Variants in FMN2 observed in about 807,000 individuals in gnomAD.
FMN2 encodes formin-2.
In FMN2, 51 loss-of-function variants were observed where a neutral mutation model predicts 142.3. That is an observed-to-expected ratio of 0.36 (90% confidence interval 0.29 to 0.45). The LOEUF is 0.45. FMN2 is among the 20% of genes least tolerant of loss of function. FMN2 has a pLI of 1.00. For synonymous variants in FMN2, 882 were observed against 869.8 expected (o/e 1.01, Z -0.25); for missense variants, 1,936 against 2,122.8 (o/e 0.91, Z 1.73).
Position 240,237,515 on chromosome 1 carries a change from C to T in FMN2, c.4066-20430C>T, listed in dbSNP as rs368860898. Among the ~76,000 whole-genome samples the T allele has an allele frequency of 2.3e-3, 345 of 152,186 alleles. 3 individuals carry two copies. The highest frequency in any genetic ancestry group is 8.0e-3 in the African/African-American group (334 of 41,508). On this transcript the variant is annotated intron_variant, in intron 6 of 17. Coordinates refer to ENST00000319653, the MANE Select transcript of FMN2 (RefSeq NM_020066.5). Reference sequence around the variant, plus strand: ...GTATCTTTCCCTTCTCTGGATTTTTCGAAATAGACTAATTAAATACCGCAG... The same window carrying T: ...GTATCTTTCCCTTCTCTGGATTTTTTGAAATAGACTAATTAAATACCGCAG...
chr1:240,380,836 C>T (rs541491320), intron 14 of FMN2, among the ~76,000 whole-genome samples: 6 of 151,202 alleles, frequency 4.0e-5, no homozygotes, highest in African/African-American at 1.5e-4. Flanking sequence ...ACAAAATAGA[C>T]CACTAGCTAG....
chr1:240,330,879 C>A, intron 11 of FMN2, 130 bp downstream of exon 11: 2 of 1,133,638 alleles, frequency 1.8e-6, no homozygotes, highest in Non-Finnish European at 2.4e-6. Context: ...ATGTTCTGAG[C>A]TAGAAAAAAG....
intron 8 of FMN2, among the ~76,000 whole-genome samples, chr1:240,311,261 A>ACCT (rs1670595205): frequency 6.6e-6 from 1 of 152,228 alleles, no homozygotes; most frequent in Admixed American, 6.5e-5. Flanking sequence ...GCCACATGAT[A>ACCT]CAGCATCCTC....
intron 7 of FMN2, among the ~76,000 whole-genome samples, chr1:240,265,514 T>C (rs1668767410): frequency 6.6e-6 from 1 of 152,152 alleles, no homozygotes; most frequent in Non-Finnish European, 1.5e-5. Flanking sequence ...ACACAAATGC[T>C]TATTATTGTA....
chr1:240,243,566 C>T (rs928302930), intron 6 of FMN2, among the ~76,000 whole-genome samples: 6 of 152,080 alleles, frequency 3.9e-5, no homozygotes, highest in African/African-American at 9.7e-5. Context: ...ATATAACTGC[C>T]GGTTATTGGA....
intron 4 of FMN2, among the ~76,000 whole-genome samples, chr1:240,201,943 G>C (rs558255524): frequency 6.6e-6 from 1 of 152,262 alleles, no homozygotes; most frequent in African/African-American, 2.4e-5. Flanking sequence ...GATTATCAGG[G>C]GAGTTAAAAC....
chr1:240,326,759 C>T (rs4521980), intron 8 of FMN2, among the ~76,000 whole-genome samples: 61,252 of 151,366 alleles, frequency 0.4, 12,823 homozygotes, highest in Admixed American at 0.53. Flanking sequence ...GGGTTAGGCT[C>T]GGAGATAGTT....
intron 13 of FMN2, among the ~76,000 whole-genome samples, chr1:240,350,792 C>T (rs187202478): frequency 1.2e-4 from 18 of 152,224 alleles, no homozygotes; most frequent in African/African-American, 4.3e-4. Context: ...AACAGTTGAA[C>T]CAGACTCTGG....
chr1:240,333,556 TATC>T (rs1322629196), intron 11 of FMN2, among the ~76,000 whole-genome samples: 1 of 152,206 alleles, frequency 6.6e-6, no homozygotes, highest in Admixed American at 6.5e-5. Context: ...CATAAAAAAT[TATC>T]AAACAAAAAC....
At chr1:240,365,855 A>C (rs568959812) in intron 14 of FMN2, among the ~76,000 whole-genome samples, 1 of 152,170 alleles carries the variant, frequency 6.6e-6, no homozygotes, top group Non-Finnish European at 1.5e-5. Context: ...TACTTAACAC[A>C]TGTATTTTCT....
intron 7 of FMN2, among the ~76,000 whole-genome samples, chr1:240,290,793 G>GTTTTTTTTTTTTTT (rs761547443): frequency 2.8e-4 from 24 of 84,688 alleles, no homozygotes; most frequent in Admixed American, 3.5e-4. Flanking sequence ...TTTTTTTTTT[G>GTTTTTTTTTTTTTT]TTTTTTTTTT....
chr1:240,284,396 T>C (rs1669515519), intron 7 of FMN2, among the ~76,000 whole-genome samples: 2 of 152,148 alleles, frequency 1.3e-5, no homozygotes, highest in African/African-American at 4.8e-5. Flanking sequence ...ATTTTCCCCC[T>C]CATCTAGACC....
intron 4 of FMN2, among the ~76,000 whole-genome samples, chr1:240,188,576 G>A (rs372097257): frequency 6.6e-6 from 1 of 152,176 alleles, no homozygotes; most frequent in East Asian, 1.9e-4. Flanking sequence ...AGAAGTCTGC[G>A]AGATGTGCCT....
intron 15 of FMN2, among the ~76,000 whole-genome samples, chr1:240,428,678 A>G (rs985133213): frequency 1.3e-5 from 2 of 152,190 alleles, no homozygotes; most frequent in African/African-American, 4.8e-5. Context: ...GATCTTTAAT[A>G]CATTGTGGAA....
At chr1:240,241,240 T>C (rs1192239302) in intron 6 of FMN2, among the ~76,000 whole-genome samples, 1 of 133,424 alleles carries the variant, frequency 7.5e-6, no homozygotes, top group African/African-American at 3.0e-5. Flanking sequence ...TTTTTTTTAA[T>C]TGTATTTTTT....
At chr1:240,154,107 C>CA (rs3047182) in intron 2 of FMN2, among the ~76,000 whole-genome samples, 1,872 of 55,182 alleles carry the variant, frequency 0.034, 89 homozygotes, top group African/African-American at 0.069. Context: ...GAGATTCCAT[C>CA]AAAAAAAAAA....
intron 16 of FMN2, among the ~76,000 whole-genome samples, chr1:240,457,207 C>T (rs1045752544): frequency 2.2e-4 from 34 of 152,166 alleles, no homozygotes; most frequent in Admixed American, 2.0e-3. Context: ...AATCAATGTT[C>T]CCCAACCTAA....
chr1:240,443,926 C>T (rs535256116), intron 16 of FMN2, among the ~76,000 whole-genome samples: 1 of 152,068 alleles, frequency 6.6e-6, no homozygotes, highest in Admixed American at 6.6e-5. Context: ...TGACTGTCAC[C>T]TAGCCACTAA....
chr1:240,209,290 A>G lies in FMN2; in HGVS notation c.3920+558A>G, dbSNP rs370810996. ...AGGGGGGACGGAGTCTCGCTCTGTC[A>G]CCCAGGCTGGAGTGCAGCGGTGCAG... is the stretch of plus-strand genomic sequence containing the variant. On this transcript the variant is annotated intron_variant, in intron 5 of 17. Transcript: ENST00000319653. Among the ~76,000 whole-genome samples the G allele has an allele frequency of 2.3e-4, 34 of 149,098 alleles. 1 individual carries two copies. In the South Asian group the frequency reaches 4.9e-3, roughly 21 times the overall value.
Sources: gnomAD v4.1 joint callset for allele counts (sites outside exome capture counted in the v4.1 genomes callset) on GRCh38, gnomAD v4.1.1 for gene constraint, MANE v1.5 for transcripts, NCBI Gene and HGNC (gene_info 2026-07-23, HGNC 2026-07-21) for gene names.